Variants in ZNF266 observed in about 807,000 individuals in gnomAD.
ZNF266 encodes zinc finger protein 266, also known as zinc finger protein 1.
In ZNF266, 16 loss-of-function variants were observed where a neutral mutation model predicts 16.4. The ratio of observed to expected loss-of-function variants is 0.98; its 90% CI spans 0.66 to 1.48. The LOEUF (loss-of-function observed/expected upper bound fraction) is 1.48. ZNF266 is among the 40% of genes most tolerant of loss of function. ZNF266 has a pLI of 0.00. For missense variants in ZNF266, 738 were observed against 689.1 expected (o/e 1.07, Z -0.79); for synonymous variants, 262 against 237.9 (o/e 1.10, Z -0.93).
Position 9,415,638 on chromosome 19 carries a change from T to C in ZNF266, c.405+16A>G, listed in dbSNP as rs140194668. 430 of 1,590,678 alleles carry C rather than the reference T, an allele frequency of 2.7e-4. 2 individuals carry two copies. The African/African-American group carries it at 5.0e-3, about 19-fold the overall frequency. ...CTCTAAATGTGAAAACTAAGACGTA[T>C]CCTTGTTAATCTTACCATTTGAATC... On this transcript the variant is annotated intron_variant, in intron 10 of 10. Coordinates refer to ENST00000592904, the MANE Select transcript of ZNF266 (RefSeq NM_001370374.1).
intron 5 of ZNF266, among the ~76,000 whole-genome samples, chr19:9,425,388 C>T (rs1735157322): frequency 6.6e-6 from 1 of 152,126 alleles, no homozygotes; most frequent in South Asian, 2.1e-4. Context: ...GTGCTGCCTC[C>T]TCTACATCTT....
intron 5 of ZNF266, among the ~76,000 whole-genome samples, chr19:9,422,840 A>G (rs1409788397): frequency 6.6e-6 from 1 of 152,246 alleles, no homozygotes; most frequent in Non-Finnish European, 1.5e-5. Context: ...GACAAGATGC[A>G]TGCATACACA....
Position 9,414,464 on chromosome 19 carries a change from T to C in ZNF266, c.662A>G (p.Lys221Arg). 1 of 1,614,190 alleles carries C rather than the reference T, an allele frequency of 6.2e-7. No individual in the cohort carries two copies. The highest frequency in any genetic ancestry group is 8.5e-7 in the Non-Finnish European group (1 of 1,180,018). The change falls in exon 11 of 11, where the codon AAA becomes AGA. Residue 221 changes from lysine to arginine, a missense_variant. Lys to Arg is a conservative substitution (Grantham distance 26). Coordinates refer to ENST00000592904, the MANE Select transcript of ZNF266 (RefSeq NM_001370374.1). ...VVCQRTCTGE[K>R]AFDCSDSGKS... ...CCCAGAGTCACTGCAATCAAAAGCT[T>C]TCTCTCCTGTGCACGTTCTCTGGCA... is the stretch of plus-strand genomic sequence containing the variant.
chr19:9,414,710 T>C lies in ZNF266; in HGVS notation c.416A>G (p.His139Arg). 1 of 1,565,548 alleles carries C rather than the reference T, an allele frequency of 6.4e-7. No homozygotes were observed. The highest frequency in any genetic ancestry group is 8.7e-7 in the Non-Finnish European group (1 of 1,150,874). ...AACATCACTGACCTCCCCTCCGTTGTGGCTTCCTATCTGTTGATAAAGGAA... is the reference window on the plus strand; with the variant it reads ...AACATCACTGACCTCCCCTCCGTTGCGGCTTCCTATCTGTTGATAAAGGAA... The part of the protein sequence containing the change: ...TSSGIQMIGS[H>R]NGGEVSDVKQ... The change falls in exon 11 of 11, where the codon CAC becomes CGC. Residue 139 changes from histidine (H) to arginine (R), a missense_variant. His to Arg is a conservative substitution (Grantham distance 29). Transcript: ENST00000592904.
At chr19:9,429,224 C>T (rs2071225158) in intron 5 of ZNF266, among the ~76,000 whole-genome samples, 1 of 152,092 alleles carries the variant, frequency 6.6e-6, no homozygotes, top group South Asian at 2.1e-4. Context: ...TAGGGCTTAA[C>T]TTATTTTCAA....
At position 9,415,706 on chromosome 19, in the gene ZNF266, A is replaced by G. The variant is rs1452835318; in HGVS notation, c.353T>C (p.Leu118Ser). The G allele has an allele frequency of 2.5e-6, 4 of 1,613,304 alleles. No individual in the cohort carries two copies. Among genetic ancestry groups the G allele is most frequent in the Non-Finnish European group, 3.4e-6 (4 of 1,179,426 alleles). ...EWKVQLKTKE[L>S]ALQQDVLGEP... ...CCCCAAAACATCCTGCTGAAGGGCT[A>G]ACTCTTTGGTTTTAAGTTGCACTTT... Residue 118 changes from leucine (L) to serine (S), a missense_variant, in exon 10 of 11, where the codon TTA (leucine) becomes TCA (serine). Coordinates refer to ENST00000592904, the MANE Select transcript of ZNF266 (RefSeq NM_001370374.1).
intron 5 of ZNF266, among the ~76,000 whole-genome samples, chr19:9,426,601 C>T (rs985343594): frequency 1.3e-5 from 2 of 150,856 alleles, no homozygotes; most frequent in African/African-American, 4.9e-5. Flanking sequence ...GTCTAACAAA[C>T]ATAATCCCGC....
chr19:9,433,567 C>T (rs1383585638), intron 5 of ZNF266, 101 bp downstream of exon 5: 1 of 152,156 alleles, frequency 6.6e-6, no homozygotes, highest in Non-Finnish European at 1.5e-5. Context: ...AGCACTGATT[C>T]TCATTAATCC....
Position 9,413,678 on chromosome 19 carries a change from G to GC in ZNF266, c.1447dup (p.Ala483GlyfsTer9). ...ACTAAGATTTGAAGAAATAGCAAAG[G>GC]CTTTCCCACATTTGACACATTCAAA... On this transcript the variant is annotated frameshift_variant, in exon 11 of 11. Coordinates refer to ENST00000592904, the MANE Select transcript of ZNF266 (RefSeq NM_001370374.1). LOFTEE classifies it low-confidence loss of function (END_TRUNC). 1.2e-6 allele frequency: 2 copies of GC among 1,614,130 alleles called. No individual in the cohort carries two copies. The highest frequency in any genetic ancestry group is 1.7e-6 in the Non-Finnish European group (2 of 1,180,016).
At position 9,415,081 on chromosome 19, in the gene ZNF266, G is replaced by A. The variant is rs1469980320; in HGVS notation, c.406-361C>T. On this transcript the variant is annotated intron_variant, in intron 10 of 10. Transcript: ENST00000592904. The stretch of plus-strand genomic sequence containing the variant: ...AGGCCAACGTGGGCAGATCACCTCA[G>A]GTCAAGAGTTCAAGACCAGTCTGGC... 2.0e-5 allele frequency among the ~76,000 whole-genome samples: 3 copies of A among 152,194 alleles called. 1 individual carries two copies. Among genetic ancestry groups the A allele is most frequent in the South Asian group, 4.1e-4 (2 of 4,828 alleles).
chr19:9,422,964 A>G (rs2070164319), intron 5 of ZNF266, among the ~76,000 whole-genome samples: 1 of 152,218 alleles, frequency 6.6e-6, no homozygotes, highest in South Asian at 2.1e-4. Context: ...ACGTCTCTGA[A>G]AGGAAAGATT....
At chr19:9,424,675 T>C (rs2070464668) in intron 5 of ZNF266, among the ~76,000 whole-genome samples, 2 of 152,250 alleles carry the variant, frequency 1.3e-5, no homozygotes, top group African/African-American at 4.8e-5. Flanking sequence ...TTTACTTCTA[T>C]CTTTTTCCCA....
chr19:9,415,783 G>T, intron 9 of ZNF266, 41 bp from the exon 10 acceptor site: 1 of 1,533,818 alleles, frequency 6.5e-7, no homozygotes, highest in Non-Finnish European at 9.0e-7. Flanking sequence ...AGACATACAG[G>T]GTAGACAGAT....
chr19:9,422,586 T>G (rs1655667960), intron 5 of ZNF266, among the ~76,000 whole-genome samples: 1 of 152,210 alleles, frequency 6.6e-6, no homozygotes, highest in Admixed American at 6.5e-5. Context: ...TCTTGTATCC[T>G]TACTGGCACC....
chr19:9,429,137 A>C (rs1336029256), intron 5 of ZNF266, among the ~76,000 whole-genome samples: 1 of 152,208 alleles, frequency 6.6e-6, no homozygotes, highest in Admixed American at 6.5e-5. Flanking sequence ...TCACTGAAAG[A>C]CAGAAAAATG....
chr19:9,429,015 C>T (rs8102069), intron 5 of ZNF266, among the ~76,000 whole-genome samples: 85,422 of 151,660 alleles, frequency 0.56, 24,256 homozygotes, highest in Middle Eastern at 0.63. Context: ...ATTACAGGGG[C>T]GAGCCACTGT....
chr19:9,427,489 A>G (rs913098984), intron 5 of ZNF266, among the ~76,000 whole-genome samples: 6 of 151,216 alleles, frequency 4.0e-5, no homozygotes, highest in Admixed American at 3.3e-4. Flanking sequence ...CCCAGCTAAT[A>G]TATATATATA....
At chr19:9,417,731 G>C in intron 9 of ZNF266, 97 bp downstream of exon 9, 1 of 994,568 alleles carries the variant, frequency 1.0e-6, no homozygotes, top group East Asian at 2.6e-5. Flanking sequence ...CTGGGTGACA[G>C]AGTGAGACTC....
chr19:9,422,886 T>C (rs998361307), intron 5 of ZNF266, among the ~76,000 whole-genome samples: 3 of 152,134 alleles, frequency 2.0e-5, no homozygotes, highest in African/African-American at 7.2e-5. Context: ...ATGGCTTGGC[T>C]GGATGGTCAA....
Sources: allele counts gnomAD v4.1 joint callset (sites outside exome capture counted in the v4.1 genomes callset), GRCh38; gene constraint gnomAD v4.1.1; transcripts MANE v1.5; gene names NCBI Gene and HGNC (gene_info 2026-07-23, HGNC 2026-07-21).